The following NBAS variants were observed in gnomAD, a reference collection of about 807,000 sequenced individuals.
NBAS encodes the protein NAG/BC035112 fusion.
NBAS carries 219 observed loss-of-function variants against 302.5 expected under a neutral mutation model. The ratio of observed to expected loss-of-function variants is 0.72; its 90% confidence interval spans 0.65 to 0.81. The LOEUF (loss-of-function observed/expected upper bound fraction) is 0.81. Among genes scored for constraint, NBAS ranks in the 30% least tolerant of loss-of-function variants. The probability of loss-of-function intolerance (pLI) is 0.00; values close to 1 mark genes in which losing one functional copy is unlikely to be tolerated. For synonymous variants in NBAS, 1,118 were observed against 1,021.6 expected, an observed-to-expected ratio of 1.09 and a Z score of -1.80; for missense variants, 2,932 against 2,841.6, an observed-to-expected ratio of 1.03 and a Z score of -0.72.
At chr2:15,033,984 G>GGAAGAAGAGGAA in the NBAS span, among the ~76,000 whole-genome samples, 3 of 56,316 alleles carry the variant, frequency 5.3e-5, no homozygotes, top group African/African-American at 2.6e-4. Flanking sequence ...AAGAGGAAGA[G>GGAAGAAGAGGAA]GAAGAAGAAG....
At chr2:15,178,231 T>G (rs1664646113) in intron 51 of NBAS, 1 of 459,414 alleles carries the variant, frequency 2.2e-6, no homozygotes, top group African/African-American at 2.0e-5. Context: ...CAATGTAAAA[T>G]TACATATGTG....
Position 15,407,917 on chromosome 2 carries a change from A to G in NBAS, c.2938-5616T>C, listed in dbSNP as rs184167509. 7.2e-5 allele frequency among the ~76,000 whole-genome samples: 11 copies of G among 152,240 alleles called. No homozygotes were observed. In the East Asian group the frequency reaches 2.1e-3, roughly 29 times the overall value. On this transcript the variant is annotated intron_variant, in intron 25 of 51. Transcript: ENST00000281513. The stretch of plus-strand genomic sequence containing the variant: ...GTTCTAGGAGAGAACCCACTTCCTT[A>G]CCTTTTCCAGCTTCTAGAGGGTGCC...
At position 15,380,430 on chromosome 2, in the gene NBAS, A is replaced by G. The variant is rs561417753; in HGVS notation, c.3361-599T>C. On this transcript the variant is annotated intron_variant, in intron 29 of 51. Coordinates refer to ENST00000281513, the MANE Select transcript of NBAS (RefSeq NM_015909.4). ...TCTTTGAATACAATACATATAATTC[A>G]TAACTGCTTGAAGCATCTGAATTCA... 2.6e-4 allele frequency among the ~76,000 whole-genome samples: 40 copies of G among 152,316 alleles called. No individual in the cohort carries two copies. The South Asian group carries it at 7.9e-3, about 30-fold the overall frequency.
At chr2:14,815,382 T>C in the NBAS span, among the ~76,000 whole-genome samples, 1 of 152,148 alleles carries the variant, frequency 6.6e-6, no homozygotes, top group Admixed American at 6.5e-5. Flanking sequence ...GAGCCAAAAA[T>C]GTCCTGCTTT....
the NBAS span, among the ~76,000 whole-genome samples, chr2:14,964,785 G>A: frequency 6.6e-6 from 1 of 152,038 alleles, no homozygotes; most frequent in Non-Finnish European, 1.5e-5. Context: ...AATACATTTT[G>A]AGCCATAAAA....
the NBAS span, among the ~76,000 whole-genome samples, chr2:14,825,109 G>C: frequency 6.6e-6 from 1 of 152,170 alleles, no homozygotes; most frequent in Non-Finnish European, 1.5e-5. Context: ...GCTTGTCGGG[G>C]TGTGGCAGGC....
chr2:15,242,086 T>A (rs1244896101), intron 44 of NBAS, among the ~76,000 whole-genome samples: 1 of 152,184 alleles, frequency 6.6e-6, no homozygotes, highest in African/African-American at 2.4e-5. Flanking sequence ...TGCTCCAACA[T>A]CCAAGTGCAT....
intron 44 of NBAS, among the ~76,000 whole-genome samples, chr2:15,259,212 T>C (rs767086187): frequency 1.2e-4 from 19 of 152,222 alleles, no homozygotes; most frequent in Non-Finnish European, 1.5e-5. Context: ...ATTTGATTAT[T>C]TCTGATGCAG....
At chr2:14,989,903 A>G in the NBAS span, among the ~76,000 whole-genome samples, 1 of 152,222 alleles carries the variant, frequency 6.6e-6, no homozygotes, top group Non-Finnish European at 1.5e-5. Context: ...ATAATTGTAA[A>G]TGAAAAAGAA....
intron 44 of NBAS, among the ~76,000 whole-genome samples, chr2:15,252,359 G>A (rs370312348): frequency 2.6e-5 from 4 of 152,002 alleles, no homozygotes; most frequent in African/African-American, 7.2e-5. Flanking sequence ...TTAGCCGGGC[G>A]TGGTGGCGCG....
chr2:14,947,587 C>A, the NBAS span, among the ~76,000 whole-genome samples: 6 of 152,106 alleles, frequency 3.9e-5, no homozygotes, highest in African/African-American at 1.4e-4. Flanking sequence ...GTAAACATGG[C>A]TGGTTTGAAT....
At chr2:15,250,314 A>C (rs780762230) in intron 44 of NBAS, among the ~76,000 whole-genome samples, 29 of 152,214 alleles carry the variant, frequency 1.9e-4, no homozygotes, top group Non-Finnish European at 7.3e-5. Flanking sequence ...AAATTAACTC[A>C]AGATGGATTA....
the NBAS span, among the ~76,000 whole-genome samples, chr2:14,870,473 G>A: frequency 1.3e-5 from 2 of 152,186 alleles, no homozygotes; most frequent in African/African-American, 4.8e-5. Flanking sequence ...TAGTGGAGAA[G>A]CCATCTAACA....
chr2:15,038,698 G>C, the NBAS span, among the ~76,000 whole-genome samples: 124,920 of 151,826 alleles, frequency 0.82, 51,740 homozygotes, highest in East Asian at 1. Context: ...TCCTCCCCGA[G>C]GACAAGCAGC....
the NBAS span, among the ~76,000 whole-genome samples, chr2:15,010,803 T>C: frequency 6.6e-6 from 1 of 152,156 alleles, no homozygotes; most frequent in African/African-American, 2.4e-5. Context: ...ACCAACAAGA[T>C]TACACATAGT....
intron 29 of NBAS, among the ~76,000 whole-genome samples, chr2:15,382,597 C>T (rs79089066): frequency 0.014 from 2,078 of 152,088 alleles, 32 homozygotes; most frequent in East Asian, 0.059. Flanking sequence ...TGAAACAGCA[C>T]GGTGGATGGA....
At chr2:15,017,168 A>G in the NBAS span, among the ~76,000 whole-genome samples, 2 of 152,070 alleles carry the variant, frequency 1.3e-5, no homozygotes, top group African/African-American at 2.4e-5. Flanking sequence ...ATCATCTCCA[A>G]ATGGATCAAA....
chr2:14,879,719 C>A, the NBAS span, among the ~76,000 whole-genome samples: 1 of 152,080 alleles, frequency 6.6e-6, no homozygotes, highest in Non-Finnish European at 1.5e-5. Context: ...GAACACTATG[C>A]TACAAACTTT....
the NBAS span, among the ~76,000 whole-genome samples, chr2:15,017,637 A>G: frequency 6.6e-6 from 1 of 152,254 alleles, no homozygotes; most frequent in Non-Finnish European, 1.5e-5. Context: ...CCTATTTAGA[A>G]TGACTAATAT....
Sources: gnomAD v4.1 joint callset for allele counts (sites outside exome capture counted in the v4.1 genomes callset) on GRCh38, gnomAD v4.1.1 for gene constraint, MANE v1.5 for transcripts, NCBI Gene and HGNC (gene_info 2026-07-23, HGNC 2026-07-21) for gene names.